Variants in ZNG1F observed in about 807,000 individuals in gnomAD.
ZNG1F encodes zinc-regulated GTPase metalloprotein activator 1F.
the ZNG1F span, chr9:41,145,362 T>C: frequency 5.2e-6 from 1 of 193,974 alleles, no homozygotes; most frequent in African/African-American, 5.7e-5. Flanking sequence ...AATTCAGAGA[T>C]GAATACACTT....
At chr9:41,152,357 C>T in the ZNG1F span, among the ~76,000 whole-genome samples, 2 of 149,460 alleles carry the variant, frequency 1.3e-5, no homozygotes, top group Non-Finnish European at 1.5e-5. Context: ...TAAAGCAAGT[C>T]CTTAGAGACC....
the ZNG1F span, among the ~76,000 whole-genome samples, chr9:41,180,168 C>CT: frequency 0.02 from 333 of 16,800 alleles, 17 homozygotes; most frequent in African/African-American, 0.075. Flanking sequence ...ATAAACACAG[C>CT]TTTTTTTTTT....
the ZNG1F span, chr9:41,183,524 A>T: frequency 5.2e-6 from 8 of 1,526,126 alleles, no homozygotes; most frequent in South Asian, 4.8e-5. Context: ...ATCAATAAAC[A>T]TTTCTAGTAA....
chr9:41,155,062 C>T, the ZNG1F span, among the ~76,000 whole-genome samples: 3 of 150,612 alleles, frequency 2.0e-5, no homozygotes, highest in African/African-American at 7.3e-5. Context: ...TCAGAGTGAA[C>T]AGGCAACCTA....
the ZNG1F span, chr9:41,183,627 T>C: frequency 1.2e-6 from 2 of 1,603,606 alleles, no homozygotes; most frequent in Non-Finnish European, 1.7e-6. Flanking sequence ...CTCTCCACCT[T>C]GGCTGACAGC....
chr9:41,171,640 A>T, the ZNG1F span, among the ~76,000 whole-genome samples: 1 of 34,290 alleles, frequency 2.9e-5, no homozygotes, highest in Non-Finnish European at 5.5e-5. Flanking sequence ...AATCCCAGAT[A>T]CTCAGGAGGC....
the ZNG1F span, chr9:41,134,158 G>C: frequency 6.1e-6 from 1 of 162,912 alleles, no homozygotes; most frequent in African/African-American, 2.5e-5. Context: ...ACAATCCTGG[G>C]GAGTGAAGAT....
chr9:41,150,304 C>A, the ZNG1F span, among the ~76,000 whole-genome samples: 27 of 150,652 alleles, frequency 1.8e-4, no homozygotes, highest in African/African-American at 6.1e-4. Flanking sequence ...GTGTCCCGCA[C>A]CTGGCTCGGA....
At chr9:41,154,928 C>T in the ZNG1F span, among the ~76,000 whole-genome samples, 1 of 149,128 alleles carries the variant, frequency 6.7e-6, no homozygotes, top group Non-Finnish European at 1.5e-5. Flanking sequence ...CATTACCATT[C>T]AGGACATAGG....
At chr9:41,158,952 GA>G in the ZNG1F span, 18 of 142,442 alleles carry the variant, frequency 1.3e-4, no homozygotes, top group African/African-American at 4.6e-4. Context: ...AAAAGGGAAA[GA>G]AAAAGCTTCA....
At chr9:41,187,671 A>G in the ZNG1F span, among the ~76,000 whole-genome samples, 1 of 144,568 alleles carries the variant, frequency 6.9e-6, no homozygotes, top group Non-Finnish European at 1.5e-5. Context: ...GAGTATTCCA[A>G]ATGGTTGGGA....
At chr9:41,151,888 T>G in the ZNG1F span, among the ~76,000 whole-genome samples, 8 of 146,058 alleles carry the variant, frequency 5.5e-5, no homozygotes, top group African/African-American at 1.3e-4. Flanking sequence ...TACCAGCCAC[T>G]GCAAAATCAT....
At chr9:41,159,299 C>A in the ZNG1F span, among the ~76,000 whole-genome samples, 1 of 144,912 alleles carries the variant, frequency 6.9e-6, no homozygotes, top group Non-Finnish European at 1.5e-5. Context: ...AATAGCTGAG[C>A]AAACTGCAAT....
chr9:41,178,955 T>C, the ZNG1F span, among the ~76,000 whole-genome samples: 1 of 124,774 alleles, frequency 8.0e-6, no homozygotes, highest in African/African-American at 2.9e-5. Context: ...AATGCCTGGC[T>C]TCAAAGATTC....
At chr9:41,139,177 G>A in the ZNG1F span, among the ~76,000 whole-genome samples, 2 of 129,728 alleles carry the variant, frequency 1.5e-5, no homozygotes, top group African/African-American at 5.9e-5. Flanking sequence ...TTCCCTTGAT[G>A]TAGTACTCTC....
the ZNG1F span, among the ~76,000 whole-genome samples, chr9:41,155,376 G>C: frequency 4.0e-5 from 6 of 148,186 alleles, no homozygotes. Flanking sequence ...AGAGGATGTG[G>C]AGAAATAGGA....
the ZNG1F span, among the ~76,000 whole-genome samples, chr9:41,200,067 G>A: frequency 8.1e-6 from 1 of 123,672 alleles, no homozygotes; most frequent in Non-Finnish European, 1.7e-5. Flanking sequence ...CCATTGTCTT[G>A]GGGATTAACA....
At chr9:41,183,992 C>A in the ZNG1F span, among the ~76,000 whole-genome samples, 2 of 149,312 alleles carry the variant, frequency 1.3e-5, no homozygotes, top group African/African-American at 4.9e-5. Flanking sequence ...CTTTCTAAAT[C>A]GACTAGTATG....
the ZNG1F span, among the ~76,000 whole-genome samples, chr9:41,193,236 T>C: frequency 7.3e-6 from 1 of 137,100 alleles, no homozygotes; most frequent in Non-Finnish European, 1.6e-5. Context: ...TAAAACTAGA[T>C]GATAAATATC....
Sources: allele counts gnomAD v4.1 joint callset (sites outside exome capture counted in the v4.1 genomes callset), GRCh38; gene constraint gnomAD v4.1.1; transcripts MANE v1.5; gene names NCBI Gene and HGNC (gene_info 2026-07-23, HGNC 2026-07-21).